The following SLC2A9 variants were observed in gnomAD, a reference collection of about 807,000 sequenced individuals.
SLC2A9 encodes the protein solute carrier family 2, facilitated glucose transporter member 9.
Under a neutral mutation model 50.6 loss-of-function variants are expected in SLC2A9, and 39 were observed. That is an observed-to-expected ratio of 0.77 (90% CI 0.60 to 1.01). SLC2A9 has a LOEUF of 1.01. Ranked by LOEUF, SLC2A9 falls within the 50% of genes least tolerant of loss-of-function variation. SLC2A9 has a pLI of 0.00. For missense variants in SLC2A9, 686 were observed against 677.6 expected, an observed-to-expected ratio of 1.01 and a Z score of -0.14; for synonymous variants, 324 against 276.9, an observed-to-expected ratio of 1.17 and a Z score of -1.69.
intron 5 of SLC2A9, among the ~76,000 whole-genome samples, chr4:9,971,188 TACA>T (rs1167457056): frequency 2.0e-5 from 3 of 152,218 alleles, no homozygotes; most frequent in Non-Finnish European, 4.4e-5. Flanking sequence ...CTCATCCTGC[TACA>T]ACAACAAGTT....
chr4:9,925,540 G>A (rs549798009), intron 6 of SLC2A9, among the ~76,000 whole-genome samples: 36 of 152,264 alleles, frequency 2.4e-4, no homozygotes, highest in Non-Finnish European at 3.5e-4. Context: ...TATTCTGCCC[G>A]CCCCATGCTT....
intron 9 of SLC2A9, among the ~76,000 whole-genome samples, chr4:9,889,591 G>A (rs1210305575): frequency 3.9e-5 from 6 of 152,146 alleles, no homozygotes; most frequent in Non-Finnish European, 7.4e-5. Context: ...CAGCGTGCTT[G>A]CCAGCCCCAC....
At chr4:9,795,766 C>G (rs1459658527), downstream of SLC2A9, among the ~76,000 whole-genome samples, 1 of 152,204 alleles carries the variant, frequency 6.6e-6, no homozygotes, top group Non-Finnish European at 1.5e-5. Context: ...GGGCACAGGT[C>G]CTTTGTCCCT....
intron 8 of SLC2A9, among the ~76,000 whole-genome samples, chr4:9,899,452 T>C (rs1039281420): frequency 2.6e-5 from 4 of 152,224 alleles, no homozygotes; most frequent in Non-Finnish European, 5.9e-5. Context: ...TAATCTTTAC[T>C]TTCACAGATC....
At chr4:9,908,437 G>A (rs1350076051) in intron 7 of SLC2A9, 92 bp from the exon 8 acceptor site, 1 of 880,000 alleles carries the variant, frequency 1.1e-6, no homozygotes, top group East Asian at 2.6e-5. Context: ...GTGGTCTCTG[G>A]ATTAAACTCA....
chr4:9,927,710 A>C (rs1350778066), intron 6 of SLC2A9, among the ~76,000 whole-genome samples: 1 of 152,196 alleles, frequency 6.6e-6, no homozygotes, highest in East Asian at 1.9e-4. Context: ...TAGGGTATGT[A>C]ACAAGGGGTG....
downstream of SLC2A9, among the ~76,000 whole-genome samples, chr4:9,822,971 A>G (rs1399178088): frequency 6.6e-6 from 1 of 152,270 alleles, no homozygotes; most frequent in East Asian, 1.9e-4. Flanking sequence ...ACTCACTGCC[A>G]TATTAACTAT....
At chr4:9,823,491 G>A (rs550298888), downstream of SLC2A9, among the ~76,000 whole-genome samples, 11 of 147,370 alleles carry the variant, frequency 7.5e-5, no homozygotes, top group South Asian at 2.3e-3. Flanking sequence ...CGGGAAAAAT[G>A]TGAGACAACA....
chr4:9,952,229 T>C (rs79679425), intron 5 of SLC2A9, among the ~76,000 whole-genome samples: 2,687 of 152,284 alleles, frequency 0.018, 70 homozygotes, highest in African/African-American at 0.06. Context: ...CTGCCAAATA[T>C]CATGTTGAAT....
intron 6 of SLC2A9, among the ~76,000 whole-genome samples, chr4:9,927,483 C>T (rs1163998351): frequency 6.6e-6 from 1 of 152,224 alleles, no homozygotes; most frequent in Non-Finnish European, 1.5e-5. Context: ...AGGGACTTCA[C>T]GTGGAGCATA....
intron 10 of SLC2A9, among the ~76,000 whole-genome samples, chr4:9,844,621 G>A (rs1006267318): frequency 1.3e-5 from 2 of 152,192 alleles, no homozygotes; most frequent in Non-Finnish European, 2.9e-5. Flanking sequence ...CCAGATCTCT[G>A]TTCTCTGTGA....
At chr4:10,015,782 A>C (rs1560493309) in intron 2 of SLC2A9, among the ~76,000 whole-genome samples, 1 of 152,218 alleles carries the variant, frequency 6.6e-6, no homozygotes, top group Non-Finnish European at 1.5e-5. Context: ...AGTATGGGAA[A>C]ATAAATGTCT....
At chr4:9,849,343 G>A (rs1202111593) in intron 10 of SLC2A9, among the ~76,000 whole-genome samples, 2 of 152,182 alleles carry the variant, frequency 1.3e-5, no homozygotes, top group Non-Finnish European at 2.9e-5. Flanking sequence ...CAAAAGGGAA[G>A]TTGTTTGTGA....
At chr4:9,820,716 C>T (rs1724283010) in intron 3 of SLC2A9, among the ~76,000 whole-genome samples, 3 of 152,054 alleles carry the variant, frequency 2.0e-5, no homozygotes. Context: ...TGAAGAGCAA[C>T]TTTTTTATGT....
intron 1 of SLC2A9, 152 bp from the exon 2 acceptor site, chr4:10,019,225 T>TGGGGACCTGCAAGTA (rs956217465): frequency 1.5e-6 from 1 of 671,340 alleles, no homozygotes; most frequent in Non-Finnish European, 2.6e-6. Flanking sequence ...AGACGCAAGT[T>TGGGGACCTGCAAGTA]GGGGACCTGC....
intron 3 of SLC2A9, among the ~76,000 whole-genome samples, chr4:9,812,177 G>A (rs1000647752): frequency 7.9e-5 from 12 of 152,150 alleles, no homozygotes; most frequent in African/African-American, 2.4e-4. Flanking sequence ...CACTTTTAAA[G>A]TTAGTTCCTA....
chr4:9,808,084 G>T (rs1722364618), intron 3 of SLC2A9, among the ~76,000 whole-genome samples: 1 of 152,166 alleles, frequency 6.6e-6, no homozygotes, highest in African/African-American at 2.4e-5. Flanking sequence ...TGGGTGGCTG[G>T]CTCCACAGCT....
At chr4:9,864,849 GT>G (rs1486870637) in intron 10 of SLC2A9, among the ~76,000 whole-genome samples, 4 of 152,276 alleles carry the variant, frequency 2.6e-5, no homozygotes, top group Non-Finnish European at 5.9e-5. Flanking sequence ...TGCAGATGTG[GT>G]TAAGTCGAGG....
chr4:9,892,035 T>C (rs990271360), intron 8 of SLC2A9, among the ~76,000 whole-genome samples: 45 of 152,218 alleles, frequency 3.0e-4, no homozygotes, highest in African/African-American at 1.1e-3. Flanking sequence ...GGGACCCCAG[T>C]GCCCTCTACC....
Sources: allele counts gnomAD v4.1 joint callset (sites outside exome capture counted in the v4.1 genomes callset), GRCh38; gene constraint gnomAD v4.1.1; transcripts MANE v1.5; gene names NCBI Gene and HGNC (gene_info 2026-07-23, HGNC 2026-07-21).